Variants in DCC observed in about 807,000 individuals in gnomAD.
The protein encoded by DCC is DCC netrin 1 receptor, also known as netrin receptor DCC.
In DCC, 58 loss-of-function variants were observed where a neutral mutation model predicts 172.5. The observed-to-expected ratio is 0.34, with a 90% CI of 0.27 to 0.42. DCC has a LOEUF of 0.42. Ranked by LOEUF, DCC falls within the 10% of genes least tolerant of loss-of-function variation. DCC has a pLI of 1.00. For synonymous variants in DCC, 709 were observed against 644.5 expected, an observed-to-expected ratio of 1.10 and a Z score of -1.52; for missense variants, 1,740 against 1,791.0, an observed-to-expected ratio of 0.97 and a Z score of 0.51.
At chr18:53,265,419 A>G (rs879775733) in intron 12 of DCC, among the ~76,000 whole-genome samples, 3 of 152,252 alleles carry the variant, frequency 2.0e-5, no homozygotes, top group Non-Finnish European at 4.4e-5. Context: ...ATGTATAAAG[A>G]AAACCTACAA....
intron 1 of DCC, among the ~76,000 whole-genome samples, chr18:52,494,094 G>A (rs2030640203): frequency 6.6e-6 from 1 of 151,886 alleles, no homozygotes; most frequent in African/African-American, 2.4e-5. Flanking sequence ...GGCTATTTTT[G>A]CTGGGTATAG....
At chr18:52,656,080 A>ATG (rs59549711) in intron 1 of DCC, among the ~76,000 whole-genome samples, 15 of 143,552 alleles carry the variant, frequency 1.0e-4, no homozygotes, top group East Asian at 6.0e-4. Flanking sequence ...GTGTATATAT[A>ATG]TGTGTGTGTG....
At chr18:53,351,331 TACAGTGTATATATATATAC>T (rs2057795902) in intron 15 of DCC, among the ~76,000 whole-genome samples, 4 of 47,696 alleles carry the variant, frequency 8.4e-5, no homozygotes, top group Non-Finnish European at 1.7e-4. Flanking sequence ...TATATATATA[TACAGTGTATATATATATAC>T]ACAGTATATA....
intron 1 of DCC, among the ~76,000 whole-genome samples, chr18:52,395,594 ACT>A (rs1986194375): frequency 6.6e-6 from 1 of 151,890 alleles, no homozygotes; most frequent in Admixed American, 6.6e-5. Flanking sequence ...AAAGGTGCAA[ACT>A]CTCTGTGTGA....
intron 1 of DCC, among the ~76,000 whole-genome samples, chr18:52,344,034 G>A (rs1983774051): frequency 6.6e-6 from 1 of 152,234 alleles, no homozygotes; most frequent in African/African-American, 2.4e-5. Context: ...TGTTATATGT[G>A]AATATATTAG....
intron 1 of DCC, among the ~76,000 whole-genome samples, chr18:52,345,683 T>C (rs1332346887): frequency 1.3e-5 from 2 of 152,248 alleles, no homozygotes; most frequent in Non-Finnish European, 2.9e-5. Flanking sequence ...AAACCAAGGC[T>C]GTGACCCACA....
chr18:53,035,029 C>G (rs564313980), intron 5 of DCC, among the ~76,000 whole-genome samples: 1 of 152,120 alleles, frequency 6.6e-6, no homozygotes, highest in East Asian at 1.9e-4. Flanking sequence ...TTATCACTTA[C>G]TGTTTTAAAA....
At chr18:52,496,831 A>G (rs1311308731) in intron 1 of DCC, among the ~76,000 whole-genome samples, 2 of 152,040 alleles carry the variant, frequency 1.3e-5, no homozygotes, top group Admixed American at 6.6e-5. Flanking sequence ...TAGATGTTTT[A>G]TTTTAAAATC....
intron 1 of DCC, among the ~76,000 whole-genome samples, chr18:52,565,700 T>C (rs1281148435): frequency 3.3e-5 from 5 of 152,226 alleles, no homozygotes; most frequent in African/African-American, 7.2e-5. Context: ...TTTTTTCTTG[T>C]AAATTTGTTT....
chr18:52,490,334 C>T (rs11082928), intron 1 of DCC, among the ~76,000 whole-genome samples: 54,057 of 151,958 alleles, frequency 0.36, 10,372 homozygotes, highest in East Asian at 0.46. Context: ...AGCCAGAAAG[C>T]AGGTAAGAAA....
chr18:52,462,462 C>G (rs1306055285), intron 1 of DCC, among the ~76,000 whole-genome samples: 1 of 152,178 alleles, frequency 6.6e-6, no homozygotes, highest in Non-Finnish European at 1.5e-5. Flanking sequence ...GTGTCAGCCT[C>G]AGGCCTACCT....
intron 10 of DCC, among the ~76,000 whole-genome samples, chr18:53,206,643 A>G (rs558808252): frequency 6.9e-6 from 1 of 145,822 alleles, no homozygotes; most frequent in African/African-American, 2.5e-5. Flanking sequence ...GTATACATAT[A>G]TATAATATAT....
intron 1 of DCC, among the ~76,000 whole-genome samples, chr18:52,423,344 T>G (rs1398115339): frequency 6.6e-6 from 1 of 152,004 alleles, no homozygotes; most frequent in Non-Finnish European, 1.5e-5. Flanking sequence ...GTCAGAGTGG[T>G]GGGGTTGAAG....
chr18:52,490,796 C>G (rs1002420755), intron 1 of DCC, among the ~76,000 whole-genome samples: 4 of 152,070 alleles, frequency 2.6e-5, no homozygotes, highest in African/African-American at 7.2e-5. Context: ...GACCCCACCT[C>G]TTGTGAGGGA....
chr18:53,063,774 G>C (rs1351375215), intron 6 of DCC, among the ~76,000 whole-genome samples: 1 of 152,136 alleles, frequency 6.6e-6, no homozygotes, highest in Admixed American at 6.5e-5. Context: ...TTATCAAAGA[G>C]AGTTTAGAAC....
At chr18:52,751,621 T>G (rs1238094008) in intron 1 of DCC, among the ~76,000 whole-genome samples, 3 of 152,324 alleles carry the variant, frequency 2.0e-5, no homozygotes, top group Non-Finnish European at 4.4e-5. Flanking sequence ...AGATTGGATT[T>G]TTTAAAAATT....
intron 2 of DCC, among the ~76,000 whole-genome samples, chr18:52,792,800 ATTC>A: frequency 6.6e-6 from 1 of 152,088 alleles, no homozygotes; most frequent in Non-Finnish European, 1.5e-5. Flanking sequence ...ATTCCATTCC[ATTC>A]CAGTTGATTC....
intron 12 of DCC, among the ~76,000 whole-genome samples, chr18:53,271,320 A>T (rs1242757141): frequency 6.6e-6 from 1 of 152,190 alleles, no homozygotes. Flanking sequence ...CTTATCTATT[A>T]TTGCATAAAA....
chr18:53,215,439 A>G, intron 11 of DCC, 109 bp from the exon 12 acceptor site: 3 of 913,878 alleles, frequency 3.3e-6, no homozygotes, highest in Non-Finnish European at 5.5e-6. Context: ...CTACCTAATT[A>G]TCATTATAAA....
Sources: allele counts gnomAD v4.1 joint callset (sites outside exome capture counted in the v4.1 genomes callset), GRCh38; gene constraint gnomAD v4.1.1; transcripts MANE v1.5; gene names NCBI Gene and HGNC (gene_info 2026-07-23, HGNC 2026-07-21).